Variants in KRTAP16-1 observed in about 807,000 individuals in gnomAD.
KRTAP16-1 encodes the protein keratin associated protein 16-1.
For missense variants in KRTAP16-1, 675 were observed against 657.7 expected, an observed-to-expected ratio of 1.03 and a Z score of -0.29; for synonymous variants, 262 against 248.0, an observed-to-expected ratio of 1.06 and a Z score of -0.53.
In KRTAP16-1 at chr17:41,309,159, G is replaced by A; in HGVS notation, c.95C>T (p.Pro32Leu). The A allele has an allele frequency of 6.4e-7, 1 of 1,550,608 alleles. No individual in the cohort carries two copies. Among genetic ancestry groups the A allele is most frequent in the Non-Finnish European group, 8.7e-7 (1 of 1,146,992 alleles). ...CCATGTCTGGCTCTGGCAGGAACTG[G>A]GCAGGCAGATGGGGCCTCCACAGCT... is the stretch of plus-strand genomic sequence containing the variant. ...EVSCGGPICL[P>L]SSCQSQTWQL... The change falls in exon 1 of 1, where the codon CCC becomes CTC. Residue 32 changes from proline to leucine, a missense_variant. Transcript: ENST00000391352.
Position 41,307,754 on chromosome 17 carries a change from G to A in KRTAP16-1, c.1500C>T (p.Thr500=), listed in dbSNP as rs962292660. 2 of 1,549,106 alleles carry A rather than the reference G, an allele frequency of 1.3e-6. No homozygotes were observed. Among genetic ancestry groups the A allele is most frequent in the Non-Finnish European group, 1.7e-6 (2 of 1,146,164 alleles). ...QPTEAKPISP[T]TREAAAAQPA... is the part of the protein sequence containing the mutation. ...GCTGAGCTGCTGCGGCCTCACGGGT[G>A]GTTGGGCTGATGGGTTTGGCTTCAG... The change falls in exon 1 of 1, where the codon ACC becomes ACT. Residue 500 remains threonine, a synonymous_variant. Transcript: ENST00000391352.
chr17:41,308,993 G>A lies in KRTAP16-1; in HGVS notation c.261C>T (p.Ser87=), dbSNP rs994003903. ...CCTCACAGCACACGGGTTGGCAGCC[G>A]CTGCTCACGGAGCAAGAAGGCTCAC... ...VICEPSCSVS[S]GCQPVCCEAT... Residue 87 remains serine (S), a synonymous_variant, in exon 1 of 1, where the codon AGC becomes AGT. Transcript: ENST00000391352. 3.5e-5 allele frequency: 54 copies of A among 1,550,528 alleles called. No individual in the cohort carries two copies. The highest frequency in any genetic ancestry group is 3.4e-4 in the African/African-American group (25 of 73,046).
Position 41,307,941 on chromosome 17 carries a change from C to T in KRTAP16-1, c.1313G>A (p.Cys438Tyr). 6.4e-7 allele frequency: 1 copy of T among 1,550,664 alleles called. No individual in the cohort carries two copies. Among genetic ancestry groups the T allele is most frequent in the East Asian group, 2.4e-5 (1 of 40,922 alleles). Residue 438 changes from cysteine to tyrosine, a missense_variant, in exon 1 of 1, where the codon TGT becomes TAT. By Grantham distance (194) the Cys-to-Tyr change is radical. Transcript: ENST00000391352. ...TGGGCGGCAAGAGTAGGAAGTGACA[C>T]AGGCTGGGCGGCGCAGGATGGAGTA... Reference protein sequence around the residue: ...PCYSILRRPACVTSYSCRPVY... With the variant: ...PCYSILRRPAYVTSYSCRPVY...
At position 41,307,989 on chromosome 17, in the gene KRTAP16-1, C is replaced by A. The variant is rs529097672; in HGVS notation, c.1265G>T (p.Arg422Leu). The A allele has an allele frequency of 6.5e-7, 1 of 1,550,344 alleles. No individual in the cohort carries two copies. The highest frequency in any genetic ancestry group is 8.7e-7 in the Non-Finnish European group (1 of 1,146,970). ...RQPYMTSISY[R>L]PACYRPCYSI... is the part of the protein sequence containing the mutation. ...GTAGCATGGGCGATAGCAGGCAGGACGGTAGGAGATGGATGTCATGTATGG... is the reference window on the plus strand; with the variant it reads ...GTAGCATGGGCGATAGCAGGCAGGAAGGTAGGAGATGGATGTCATGTATGG... Residue 422 changes from arginine (R) to leucine (L), a missense_variant, in exon 1 of 1, where the codon CGT becomes CTT. Arg to Leu is a moderately radical substitution (Grantham distance 102, BLOSUM62 -2). Transcript: ENST00000391352.
rs983280629 is a variant in KRTAP16-1 at position 41,307,987 on chromosome 17, G to T, written c.1267C>A (p.Pro423Thr). 1 of 1,550,536 alleles carries T rather than the reference G, an allele frequency of 6.4e-7. No homozygotes were observed. The highest frequency in any genetic ancestry group is 1.4e-5 in the African/African-American group (1 of 73,052). ...GAGTAGCATGGGCGATAGCAGGCAG[G>T]ACGGTAGGAGATGGATGTCATGTAT... ...QPYMTSISYR[P>T]ACYRPCYSIL... The change falls in exon 1 of 1, where the codon CCT (proline) becomes ACT (threonine). Residue 423 changes from proline (P) to threonine (T), a missense_variant. By Grantham distance (38) the Pro-to-Thr change is conservative. Transcript: ENST00000391352.
chr17:41,309,243 C>T lies in KRTAP16-1; in HGVS notation c.11G>A (p.Ser4Asn). ...GGAGAAGCATTTCCTAGAAGAGCAA[C>T]TGCCAGACATGGTGGAGGTGGCCGT... MSG[S>N]CSSRKCFSVP... is the part of the protein sequence containing the mutation. The change falls in exon 1 of 1, where the codon AGT (serine) becomes AAT (asparagine). Residue 4 changes from serine (S) to asparagine (N), a missense_variant. Coordinates refer to ENST00000391352, the MANE Select transcript of KRTAP16-1 (RefSeq NM_001146182.2). The T allele has an allele frequency of 6.5e-7, 1 of 1,526,762 alleles. No individual in the cohort carries two copies. Among genetic ancestry groups the T allele is most frequent in the Non-Finnish European group, 8.8e-7 (1 of 1,132,720 alleles). The allele number at this position is 1,526,762 out of a possible 1,614,324, so 94.6% of individuals were successfully genotyped here.
chr17:41,308,179 A>T lies in KRTAP16-1; in HGVS notation c.1075T>A (p.Cys359Ser). The T allele has an allele frequency of 6.4e-7, 1 of 1,550,692 alleles. No homozygotes were observed. ...GCAGATGCAGAAGACCCTGGACTGCAGGAAAGAGGTCGGCAGGAGGTAGAT... is the reference window on the plus strand; with the variant it reads ...GCAGATGCAGAAGACCCTGGACTGCTGGAAAGAGGTCGGCAGGAGGTAGAT... Reference protein sequence around the residue: ...CPSTSCRPLSCSPGSSASAIC... With the variant: ...CPSTSCRPLSSSPGSSASAIC... Residue 359 changes from cysteine to serine, a missense_variant, in exon 1 of 1, where the codon TGC becomes AGC. Coordinates refer to ENST00000391352, the MANE Select transcript of KRTAP16-1 (RefSeq NM_001146182.2).
At position 41,308,698 on chromosome 17, in the gene KRTAP16-1, G is replaced by A. The variant is rs139221377; in HGVS notation, c.556C>T (p.Pro186Ser). 1.8e-4 allele frequency: 285 copies of A among 1,550,702 alleles called. 3 individuals carry two copies. In the African/African-American group the frequency reaches 3.2e-3, roughly 18 times the overall value. Residue 186 changes from proline (P) to serine (S), a missense_variant, in exon 1 of 1, where the codon CCC becomes TCC. Coordinates refer to ENST00000391352, the MANE Select transcript of KRTAP16-1 (RefSeq NM_001146182.2). ...ATSCQPVLCVPTSCQPVLCKS... is the reference protein window; with the variant it reads ...ATSCQPVLCVSTSCQPVLCKS... ...CAGAGGACAGGCTGGCAGGAAGTGG[G>A]CACACAGAGGACTGGTTGGCAGGAA...
rs1236124919 is a variant in KRTAP16-1 at position 41,308,773 on chromosome 17, G to T, written c.481C>A (p.Pro161Thr). The T allele has an allele frequency of 1.3e-6, 2 of 1,550,548 alleles. No homozygotes were observed. The highest frequency in any genetic ancestry group is 1.7e-6 in the Non-Finnish European group (2 of 1,147,018). ...PVCCEPAICE[P>T]SCSVSSCCQP... ...CAGCAGCTGCTCACGGAGCAAGAAG[G>T]CTCACAAATAGCAGGCTCACAGCAC... The change falls in exon 1 of 1, where the codon CCT becomes ACT. Residue 161 changes from proline (P) to threonine (T), a missense_variant. Coordinates refer to ENST00000391352, the MANE Select transcript of KRTAP16-1 (RefSeq NM_001146182.2).
chr17:41,308,443 C>A lies in KRTAP16-1; in HGVS notation c.811G>T (p.Ala271Ser). 6.4e-7 allele frequency: 1 copy of A among 1,550,668 alleles called. No homozygotes were observed. The highest frequency in any genetic ancestry group is 1.4e-5 in the African/African-American group (1 of 73,150). Residue 271 changes from alanine (A) to serine (S), a missense_variant, in exon 1 of 1, where the codon GCT becomes TCT. Coordinates refer to ENST00000391352, the MANE Select transcript of KRTAP16-1 (RefSeq NM_001146182.2). ...AGGCAAACTGGCTCACAGACCAGAGCCACACACGTAGCTGGCTGGCAGATG... is the reference window on the plus strand; with the variant it reads ...AGGCAAACTGGCTCACAGACCAGAGACACACACGTAGCTGGCTGGCAGATG... ...SSICQPATCV[A>S]LVCEPVCLRP...
In KRTAP16-1 at chr17:41,308,557, A is replaced by G; in HGVS notation, c.697T>C (p.Cys233Arg). ...VCEPSCCQPV[C>R]PTPTCSVTSS... ...GTCACAGAGCAGGTAGGTGTCGGGC[A>G]CACCGGCTGACAGCAGGAAGGCTCA... The change falls in exon 1 of 1, where the codon TGC (cysteine) becomes CGC (arginine). Residue 233 changes from cysteine (C) to arginine (R), a missense_variant. By Grantham distance (180) the Cys-to-Arg change is radical. Coordinates refer to ENST00000391352, the MANE Select transcript of KRTAP16-1 (RefSeq NM_001146182.2). 1 of 1,550,708 alleles carries G rather than the reference A, an allele frequency of 6.4e-7. No individual in the cohort carries two copies. Among genetic ancestry groups the G allele is most frequent in the Non-Finnish European group, 8.7e-7 (1 of 1,146,918 alleles).
rs2016937760 is a variant in KRTAP16-1 at position 41,308,478 on chromosome 17, G to A, written c.776C>T (p.Ser259Leu). The change falls in exon 1 of 1, where the codon TCA (serine) becomes TTA (leucine). Residue 259 changes from serine to leucine, a missense_variant. Transcript: ENST00000391352. ...CDPSPCEPSC[S>L]ESSICQPATC... ...AGCTGGCTGGCAGATGCTAGACTCTGAGCAACTTGGCTCACAAGGGCTGGG... is the reference window on the plus strand; with the variant it reads ...AGCTGGCTGGCAGATGCTAGACTCTAAGCAACTTGGCTCACAAGGGCTGGG... 1.3e-6 allele frequency: 2 copies of A among 1,550,328 alleles called. No homozygotes were observed. Among genetic ancestry groups the A allele is most frequent in the African/African-American group, 1.4e-5 (1 of 73,126 alleles).
Position 41,308,476 on chromosome 17 carries a change from CTG to C in KRTAP16-1, c.776_777del (p.Ser259Ter), listed in dbSNP as rs1303461060. The C allele has an allele frequency of 6.5e-7, 1 of 1,550,350 alleles. No individual in the cohort carries two copies. Among genetic ancestry groups the C allele is most frequent in the Non-Finnish European group, 8.7e-7 (1 of 1,146,736 alleles). On this transcript the variant is annotated frameshift_variant, in exon 1 of 1. Transcript: ENST00000391352. LOFTEE classifies it low-confidence loss of function (END_TRUNC). ...GTAGCTGGCTGGCAGATGCTAGACT[CTG>C]AGCAACTTGGCTCACAAGGGCTGGG... The part of the protein sequence containing the change: ...CDPSPCEPSC[S>X]ESSICQPATC...
rs2016947966 is a variant in KRTAP16-1 at position 41,308,968 on chromosome 17, C to T, written c.286G>A (p.Ala96Thr). The change falls in exon 1 of 1, where the codon GCC becomes ACC. Residue 96 changes from alanine (A) to threonine (T), a missense_variant. Ala to Thr is a moderately conservative substitution (Grantham distance 58, BLOSUM62 0). Transcript: ENST00000391352. The part of the protein sequence containing the change: ...SSGCQPVCCE[A>T]TTCEPSCSVS... ...GAGCAAGAAGGCTCACAGGTGGTGG[C>T]CTCACAGCACACGGGTTGGCAGCCG... 9 of 1,550,450 alleles carry T rather than the reference C, an allele frequency of 5.8e-6. No homozygotes were observed. The highest frequency in any genetic ancestry group is 7.8e-6 in the Non-Finnish European group (9 of 1,146,956).
rs767195690 is a variant in KRTAP16-1, at chr17:41,307,951, G to A, written c.1303C>T (p.Arg435Cys). The change falls in exon 1 of 1, where the codon CGC becomes TGC. Residue 435 changes from arginine to cysteine, a missense_variant. By Grantham distance (180) the Arg-to-Cys change is radical. Coordinates refer to ENST00000391352, the MANE Select transcript of KRTAP16-1 (RefSeq NM_001146182.2). Reference sequence around the variant, plus strand: ...GAGTAGGAAGTGACACAGGCTGGGCGGCGCAGGATGGAGTAGCATGGGCGA... The same window carrying A: ...GAGTAGGAAGTGACACAGGCTGGGCAGCGCAGGATGGAGTAGCATGGGCGA... Reference protein sequence around the residue: ...CYRPCYSILRRPACVTSYSCR... With the variant: ...CYRPCYSILRCPACVTSYSCR... 1.0e-5 allele frequency: 16 copies of A among 1,550,502 alleles called. No individual in the cohort carries two copies. The highest frequency in any genetic ancestry group is 2.0e-5 in the Admixed American group (1 of 50,982).
At position 41,309,047 on chromosome 17, in the gene KRTAP16-1, G is replaced by A. The variant is rs749186940; in HGVS notation, c.207C>T (p.Ala69=). 3.2e-6 allele frequency: 5 copies of A among 1,550,674 alleles called. No individual in the cohort carries two copies. The South Asian group carries it at 4.8e-5, about 15-fold the overall frequency. Residue 69 remains alanine (A), a synonymous_variant, in exon 1 of 1, where the codon GCC becomes GCT. Coordinates refer to ENST00000391352, the MANE Select transcript of KRTAP16-1 (RefSeq NM_001146182.2). Reference sequence around the variant, plus strand: ...TGACAGGATCACAGCACAGGGGTTGGGCACAGCTACTCACAGGACAGGAGG... The same window carrying A: ...TGACAGGATCACAGCACAGGGGTTGAGCACAGCTACTCACAGGACAGGAGG... ...RQPSCPVSSC[A]QPLCCDPVIC...
chr17:41,308,860 C>T lies in KRTAP16-1; in HGVS notation c.394G>A (p.Val132Met), dbSNP rs1302487585. ...TCACAAACGGTGGCCTCAAAGCACA[C>T]AGGTTGGCAGCAGTTGCTCACTGAG... Reference protein sequence around the residue: ...SCSVSNCCQPVCFEATVCEPS... With the variant: ...SCSVSNCCQPMCFEATVCEPS... The change falls in exon 1 of 1, where the codon GTG becomes ATG. Residue 132 changes from valine (V) to methionine (M), a missense_variant. By Grantham distance (21) the Val-to-Met change is conservative. Transcript: ENST00000391352. The T allele has an allele frequency of 1.9e-6, 3 of 1,541,562 alleles. No homozygotes were observed. Among genetic ancestry groups the T allele is most frequent in the Admixed American group, 3.9e-5 (2 of 50,660 alleles).
At position 41,308,754 on chromosome 17, in the gene KRTAP16-1, C is replaced by T. The variant is rs1045883615; in HGVS notation, c.500G>A (p.Ser167Asn). The T allele has an allele frequency of 6.4e-7, 1 of 1,550,556 alleles. No individual in the cohort carries two copies. Among genetic ancestry groups the T allele is most frequent in the African/African-American group, 1.4e-5 (1 of 73,054 alleles). ...TTCAGAGCCTACAGGCTGGCAGCAG[C>T]TGCTCACGGAGCAAGAAGGCTCACA... ...AICEPSCSVS[S>N]CCQPVGSEAT... is the part of the protein sequence containing the mutation. The change falls in exon 1 of 1, where the codon AGC becomes AAC. Residue 167 changes from serine (S) to asparagine (N), a missense_variant. Physicochemically the swap from Ser to Asn is conservative, Grantham distance 46. Transcript: ENST00000391352.
In KRTAP16-1 at chr17:41,309,170, G is replaced by A; in HGVS notation, c.84C>T (p.Pro28=). 1 of 1,550,594 alleles carries A rather than the reference G, an allele frequency of 6.4e-7. No homozygotes were observed. The highest frequency in any genetic ancestry group is 8.7e-7 in the Non-Finnish European group (1 of 1,146,952). Residue 28 remains proline, a synonymous_variant, in exon 1 of 1, where the codon CCC becomes CCT. Coordinates refer to ENST00000391352, the MANE Select transcript of KRTAP16-1 (RefSeq NM_001146182.2). ...LCSTEVSCGG[P]ICLPSSCQSQ... is the part of the protein sequence containing the mutation. ...TCTGGCAGGAACTGGGCAGGCAGAT[G>A]GGGCCTCCACAGCTCACCTCAGTGG...
Sources: gnomAD v4.1 joint callset for allele counts on GRCh38, gnomAD v4.1.1 for gene constraint, MANE v1.5 for transcripts, NCBI Gene and HGNC (gene_info 2026-07-23, HGNC 2026-07-21) for gene names.